Variants in LYPLA1 observed in about 807,000 individuals in gnomAD.
LYPLA1 encodes lysophospholipase 1, also known as acyl-protein thioesterase 1.
Under a neutral mutation model 34.0 loss-of-function variants are expected in LYPLA1, and 17 were observed. The ratio of observed to expected loss-of-function variants is 0.50; its 90% CI spans 0.34 to 0.75. The LOEUF (loss-of-function observed/expected upper bound fraction) is 0.75, where lower values mean the gene tolerates loss of function less well. Among genes scored for constraint, LYPLA1 ranks in the 30% least tolerant of loss-of-function variants. LYPLA1 has a pLI of 0.01. For missense variants in LYPLA1, 203 were observed against 288.8 expected, an observed-to-expected ratio of 0.70 and a Z score of 2.15; for synonymous variants, 98 against 100.8, an observed-to-expected ratio of 0.97 and a Z score of 0.17.
In LYPLA1 at chr8:54,072,622, TA is replaced by T. The variant is rs35445815; in HGVS notation, c.102-6810del. Among the ~76,000 whole-genome samples the T allele has an allele frequency of 7.5e-3, 1,075 of 144,100 alleles. 15 individuals are homozygous for T. The highest frequency in any genetic ancestry group is 0.021 in the African/African-American group (843 of 39,612). 94.5% of individuals were successfully genotyped at this position (144,100 alleles called of 152,430 possible). A position where few individuals can be genotyped will look rare whatever the true frequency, so the allele number is the denominator to read the frequency against. ...AATAAACTTGCTTCCACTTTACTGT[TA>T]AAAAAAAAAAAATCAAACAACCCCA... On this transcript the variant is annotated intron_variant, in intron 2 of 8. Transcript: ENST00000316963.
chr8:54,084,688 A>C (rs1808574591), intron 2 of LYPLA1, among the ~76,000 whole-genome samples: 1 of 152,244 alleles, frequency 6.6e-6, no homozygotes, highest in East Asian at 1.9e-4. Context: ...GACTCAAATT[A>C]TTACAATCAG....
At chr8:54,099,633 G>A (rs185323064) in intron 2 of LYPLA1, among the ~76,000 whole-genome samples, 1 of 152,206 alleles carries the variant, frequency 6.6e-6, no homozygotes, top group East Asian at 1.9e-4. Flanking sequence ...CTGCCCTCCA[G>A]CCAGGGCAAC....
intron 2 of LYPLA1, among the ~76,000 whole-genome samples, chr8:54,097,448 GA>G (rs2129372863): frequency 6.6e-6 from 1 of 152,274 alleles, no homozygotes; most frequent in South Asian, 2.1e-4. Context: ...AGACTAAAGA[GA>G]CGTGATAACT....
At chr8:54,093,622 T>C (rs566370346) in intron 2 of LYPLA1, among the ~76,000 whole-genome samples, 69 of 152,336 alleles carry the variant, frequency 4.5e-4, no homozygotes, top group African/African-American at 1.6e-3. Context: ...TTATTTATAA[T>C]GGCAGCCTTA....
intron 2 of LYPLA1, among the ~76,000 whole-genome samples, chr8:54,092,176 C>G (rs956614246): frequency 1.4e-5 from 2 of 144,738 alleles, no homozygotes; most frequent in African/African-American, 5.2e-5. Context: ...AGAACCCTGT[C>G]GAAGTCAGGG....
chr8:54,084,856 A>C (rs183217698), intron 2 of LYPLA1, among the ~76,000 whole-genome samples: 38 of 152,354 alleles, frequency 2.5e-4, no homozygotes, highest in Non-Finnish European at 4.4e-4. Flanking sequence ...AACAAAATCT[A>C]TACAGGCCTG....
At chr8:54,082,008 G>A (rs906081610) in intron 2 of LYPLA1, among the ~76,000 whole-genome samples, 18 of 152,264 alleles carry the variant, frequency 1.2e-4, no homozygotes, top group African/African-American at 4.1e-4. Context: ...GAGATTACAG[G>A]CATGAGCCAC....
intron 5 of LYPLA1, among the ~76,000 whole-genome samples, chr8:54,056,709 TC>T (rs1427519602): frequency 6.6e-6 from 1 of 152,144 alleles, no homozygotes; most frequent in Admixed American, 6.6e-5. Flanking sequence ...GGTCAAGTGA[TC>T]AAGACCATCC....
chr8:54,086,555 CAAAAA>C (rs1220626412), intron 2 of LYPLA1, among the ~76,000 whole-genome samples: 17 of 64,554 alleles, frequency 2.6e-4, no homozygotes, highest in Non-Finnish European at 4.5e-4. Flanking sequence ...CAAAGGGTAC[CAAAAA>C]AAAAAAAAAA....
At chr8:54,086,367 T>C (rs1808765148) in intron 2 of LYPLA1, among the ~76,000 whole-genome samples, 1 of 147,228 alleles carries the variant, frequency 6.8e-6, no homozygotes, top group Non-Finnish European at 1.5e-5. Context: ...CCCTCCACTA[T>C]TGTCCTATGA....
chr8:54,059,264 C>T (rs1806426931), intron 5 of LYPLA1, among the ~76,000 whole-genome samples: 1 of 152,034 alleles, frequency 6.6e-6, no homozygotes, highest in African/African-American at 2.4e-5. Context: ...TTTGACATTC[C>T]CAAATATCTC....
At chr8:54,093,400 C>T (rs998332574) in intron 2 of LYPLA1, among the ~76,000 whole-genome samples, 1 of 152,196 alleles carries the variant, frequency 6.6e-6, no homozygotes, top group African/African-American at 2.4e-5. Context: ...AGAACAGAAA[C>T]ACAGCAAAGG....
chr8:54,062,236 A>C lies in LYPLA1; in HGVS notation c.286+18T>G. ...ATTTAAGAACACTTTTGGCTTTATA[A>C]ACATTTTCTGTACTTACTATTTTCT... On this transcript the variant is annotated intron_variant, in intron 5 of 8. Coordinates refer to ENST00000316963, the MANE Select transcript of LYPLA1 (RefSeq NM_006330.4). 6.5e-7 allele frequency: 1 copy of C among 1,545,720 alleles called. No homozygotes were observed. Among genetic ancestry groups the C allele is most frequent in the Non-Finnish European group, 8.9e-7 (1 of 1,128,396 alleles).
chr8:54,096,985 T>G (rs988203230), intron 2 of LYPLA1, among the ~76,000 whole-genome samples: 1 of 151,808 alleles, frequency 6.6e-6, no homozygotes, highest in Admixed American at 6.6e-5. Flanking sequence ...AGTAGCAGAT[T>G]AATAAACAAA....
intron 5 of LYPLA1, among the ~76,000 whole-genome samples, chr8:54,060,491 C>T (rs922471835): frequency 1.3e-5 from 2 of 152,008 alleles, no homozygotes; most frequent in African/African-American, 2.4e-5. Flanking sequence ...CTCCGAACAA[C>T]TAGAATTACC....
intron 2 of LYPLA1, 141 bp downstream of exon 2, chr8:54,100,767 A>C: frequency 1.5e-6 from 1 of 677,248 alleles, no homozygotes; most frequent in Admixed American, 3.1e-5. Flanking sequence ...CAAAACATAA[A>C]ATCACCGCAC....
At chr8:54,055,264 G>A (rs2129326854) in intron 5 of LYPLA1, 131 bp from the exon 6 acceptor site, 1 of 579,258 alleles carries the variant, frequency 1.7e-6, no homozygotes. Context: ...AAAATTCAAA[G>A]CACTTCATTA....
intron 2 of LYPLA1, among the ~76,000 whole-genome samples, chr8:54,081,010 A>G (rs1480840795): frequency 6.6e-6 from 1 of 152,254 alleles, no homozygotes; most frequent in Non-Finnish European, 1.5e-5. Context: ...TTTTGTATGT[A>G]TTAGACATTT....
At chr8:54,055,535 T>C (rs1042474660) in intron 5 of LYPLA1, among the ~76,000 whole-genome samples, 1 of 152,040 alleles carries the variant, frequency 6.6e-6, no homozygotes, top group African/African-American at 2.4e-5. Context: ...TTCTAATCCA[T>C]GACCATGGAA....
Sources: allele counts gnomAD v4.1 joint callset (sites outside exome capture counted in the v4.1 genomes callset), GRCh38; gene constraint gnomAD v4.1.1; transcripts MANE v1.5; gene names NCBI Gene and HGNC (gene_info 2026-07-23, HGNC 2026-07-21).